Variants in RNLS observed in about 807,000 individuals in gnomAD.
RNLS encodes the protein renalase, FAD dependent amine oxidase.
A neutral mutation model predicts 39.8 loss-of-function variants in RNLS; 39 were observed. The observed-to-expected ratio is 0.98, with a 90% CI of 0.76 to 1.28. The LOEUF is 1.28. Among genes scored for constraint, RNLS ranks in the 50% most tolerant of loss-of-function variants. The pLI is 0.00. For missense variants in RNLS, 410 were observed against 413.3 expected (o/e 0.99, Z 0.07); for synonymous variants, 147 against 150.7 (o/e 0.98, Z 0.18).
intron 4 of RNLS, among the ~76,000 whole-genome samples, chr10:88,499,877 G>T (rs1845376729): frequency 6.6e-6 from 1 of 152,044 alleles, no homozygotes; most frequent in Non-Finnish European, 1.5e-5. Context: ...AAGCAAGAAG[G>T]GTATACTTGC....
At position 88,525,048 on chromosome 10, in the gene RNLS, A is replaced by G. The variant is rs1439984263; in HGVS notation, c.526+47855T>C. On this transcript the variant is annotated intron_variant, in intron 4 of 6. Transcript: ENST00000331772. The stretch of plus-strand genomic sequence containing the variant: ...CACAAAAATTAAAATAAATAAATAA[A>G]TAAACTGCAGCAAGGAGAAACTTTA... Among the ~76,000 whole-genome samples the G allele has an allele frequency of 3.4e-5, 5 of 148,302 alleles. No individual in the cohort carries two copies. In the East Asian group the frequency reaches 9.9e-4, roughly 29 times the overall value.
the RNLS span, among the ~76,000 whole-genome samples, chr10:88,180,995 G>T: frequency 6.6e-6 from 1 of 152,034 alleles, no homozygotes; most frequent in African/African-American, 2.4e-5. Context: ...ATTGTGATAG[G>T]TCCCCAAAGA....
chr10:88,542,594 A>C (rs1379466272), intron 4 of RNLS, among the ~76,000 whole-genome samples: 1 of 152,178 alleles, frequency 6.6e-6, no homozygotes, highest in Non-Finnish European at 1.5e-5. Context: ...GAGATGGGAC[A>C]ATTCCAGTCA....
At chr10:88,257,383 G>T in the RNLS span, among the ~76,000 whole-genome samples, 2 of 152,164 alleles carry the variant, frequency 1.3e-5, no homozygotes, top group Admixed American at 1.3e-4. Context: ...GGACAATATA[G>T]CGTGCACACT....
At chr10:88,484,910 T>C (rs1475215324) in intron 4 of RNLS, among the ~76,000 whole-genome samples, 4 of 152,020 alleles carry the variant, frequency 2.6e-5, no homozygotes, top group Non-Finnish European at 4.4e-5. Context: ...CAATTTTGCT[T>C]AGCAATTTTG....
intron 4 of RNLS, among the ~76,000 whole-genome samples, chr10:88,529,693 C>T (rs961665984): frequency 6.6e-6 from 1 of 152,126 alleles, no homozygotes; most frequent in Non-Finnish European, 1.5e-5. Context: ...ATAATTATTT[C>T]AAGAGAAGAT....
Position 88,455,873 on chromosome 10 carries a change from G to T in RNLS, c.527-93148C>A, listed in dbSNP as rs547591948. 2.0e-5 allele frequency among the ~76,000 whole-genome samples: 3 copies of T among 152,162 alleles called. No individual in the cohort carries two copies. The South Asian group carries it at 6.2e-4, about 32-fold the overall frequency. On this transcript the variant is annotated intron_variant, in intron 4 of 6. Transcript: ENST00000331772. The stretch of plus-strand genomic sequence containing the variant: ...CAAAAATCGCTTTATCCCAATGCAT[G>T]CCCACTCATCATTTGATCTTTTTGT...
intron 4 of RNLS, among the ~76,000 whole-genome samples, chr10:88,533,194 T>G (rs770701700): frequency 1.3e-5 from 2 of 152,114 alleles, no homozygotes; most frequent in Non-Finnish European, 2.9e-5. Flanking sequence ...AGAGTGCCAG[T>G]CAATTCTCTT....
intron 4 of RNLS, among the ~76,000 whole-genome samples, chr10:88,439,341 T>C (rs1197945110): frequency 1.3e-5 from 2 of 152,116 alleles, no homozygotes; most frequent in East Asian, 3.8e-4. Context: ...CCCCAACACT[T>C]CCAGGTAAGT....
chr10:88,209,379 C>T, the RNLS span, among the ~76,000 whole-genome samples: 197 of 152,136 alleles, frequency 1.3e-3, no homozygotes, highest in African/African-American at 4.5e-3. Flanking sequence ...CGCACAGAGA[C>T]GAGACATCCA....
At chr10:88,512,231 T>C (rs908762045) in intron 4 of RNLS, among the ~76,000 whole-genome samples, 1 of 152,156 alleles carries the variant, frequency 6.6e-6, no homozygotes, top group African/African-American at 2.4e-5. Context: ...AAGATGCGAT[T>C]TAGAGAAAAA....
chr10:88,305,301 A>G (rs1329364267), intron 6 of RNLS, among the ~76,000 whole-genome samples: 3 of 152,194 alleles, frequency 2.0e-5, no homozygotes, highest in Non-Finnish European at 4.4e-5. Context: ...AGTCTGCAAA[A>G]TAACAAGCTA....
chr10:88,323,729 G>A (rs938556022), intron 5 of RNLS, among the ~76,000 whole-genome samples: 6 of 152,030 alleles, frequency 3.9e-5, no homozygotes, highest in Admixed American at 3.9e-4. Context: ...AAGAGCAAAT[G>A]TAACAAAAAC....
chr10:88,361,630 T>C (rs1469979436), intron 5 of RNLS, among the ~76,000 whole-genome samples: 2 of 152,224 alleles, frequency 1.3e-5, no homozygotes, highest in African/African-American at 4.8e-5. Context: ...AACATTTTTC[T>C]AAGATCATGA....
intron 4 of RNLS, among the ~76,000 whole-genome samples, chr10:88,428,305 ACCT>A (rs143306522): frequency 0.073 from 11,041 of 151,896 alleles, 551 homozygotes; most frequent in Admixed American, 0.14. Context: ...AGTGTCCCCC[ACCT>A]CCTTCCAAAT....
At chr10:88,551,534 G>A (rs1157482157) in intron 4 of RNLS, among the ~76,000 whole-genome samples, 2 of 152,156 alleles carry the variant, frequency 1.3e-5, no homozygotes, top group Non-Finnish European at 2.9e-5. Context: ...ATTTGAATTG[G>A]TGCTCAAGTG....
intron 4 of RNLS, among the ~76,000 whole-genome samples, chr10:88,486,202 T>A (rs1490059721): frequency 1.3e-5 from 2 of 151,834 alleles, no homozygotes; most frequent in East Asian, 3.9e-4. Flanking sequence ...CTTCCTTATA[T>A]CATATACAAA....
chr10:88,314,106 T>A (rs1845576328), intron 6 of RNLS, among the ~76,000 whole-genome samples: 1 of 152,188 alleles, frequency 6.6e-6, no homozygotes, highest in Non-Finnish European at 1.5e-5. Flanking sequence ...CTTGGGAAGT[T>A]ATAGTGGTTT....
chr10:88,190,111 C>T, the RNLS span, among the ~76,000 whole-genome samples: 1 of 152,232 alleles, frequency 6.6e-6, no homozygotes, highest in Admixed American at 6.5e-5. Context: ...ACTCTTTCTT[C>T]AATTTCTCTG....
Sources: gnomAD v4.1 joint callset for allele counts (sites outside exome capture counted in the v4.1 genomes callset) on GRCh38, gnomAD v4.1.1 for gene constraint, MANE v1.5 for transcripts, NCBI Gene and HGNC (gene_info 2026-07-23, HGNC 2026-07-21) for gene names.